Variants in FOXP2 observed in about 807,000 individuals in gnomAD.
FOXP2 encodes the protein forkhead box P2.
A neutral mutation model predicts 115.8 loss-of-function variants in FOXP2; 12 were observed. The ratio of observed to expected loss-of-function variants is 0.10; its 90% CI spans 0.07 to 0.17. FOXP2 has a LOEUF of 0.17. Ranked by LOEUF, FOXP2 falls within the 10% of genes least tolerant of loss-of-function variation. The pLI is 1.00. For missense variants in FOXP2, 629 were observed against 843.5 expected (o/e 0.75, Z 3.15); for synonymous variants, 328 against 297.7 (o/e 1.10, Z -1.05).
intron 1 of FOXP2, among the ~76,000 whole-genome samples, chr7:114,112,690 A>T (rs1204683675): frequency 1.3e-5 from 2 of 152,128 alleles, no homozygotes; most frequent in African/African-American, 2.4e-5. Flanking sequence ...CAGGAGCAGG[A>T]GAATAGGGAG....
intron 2 of FOXP2, among the ~76,000 whole-genome samples, chr7:114,322,318 C>G (rs190154157): frequency 7.9e-5 from 12 of 151,718 alleles, no homozygotes; most frequent in Admixed American, 2.0e-4. Context: ...CCACCATACC[C>G]TGACAGATAA....
At chr7:114,195,055 C>T (rs1164027543) in intron 1 of FOXP2, among the ~76,000 whole-genome samples, 1 of 152,060 alleles carries the variant, frequency 6.6e-6, no homozygotes, top group African/African-American at 2.4e-5. Flanking sequence ...CTCAGTTAAA[C>T]TGGGCTGATT....
intron 16 of FOXP2, chr7:114,669,718 C>T (rs1316375681): frequency 6.6e-6 from 1 of 152,040 alleles, no homozygotes; most frequent in Non-Finnish European, 1.5e-5. Flanking sequence ...AACATGTAGA[C>T]TAGACTTGGA....
chr7:114,224,202 A>C (rs1172078823), intron 1 of FOXP2, among the ~76,000 whole-genome samples: 1 of 152,102 alleles, frequency 6.6e-6, no homozygotes, highest in Non-Finnish European at 1.5e-5. Context: ...TAATTACTGA[A>C]GATTTCATAA....
intron 3 of FOXP2, chr7:114,571,014 T>A: frequency 1.2e-6 from 1 of 810,274 alleles, no homozygotes. Flanking sequence ...ATACAAATAA[T>A]GTTAAGATAC....
intron 1 of FOXP2, among the ~76,000 whole-genome samples, chr7:114,204,371 T>C (rs1563004277): frequency 6.6e-6 from 1 of 152,206 alleles, no homozygotes; most frequent in Non-Finnish European, 1.5e-5. Flanking sequence ...ACATTTCCAG[T>C]GCTTAAAAGC....
chr7:114,229,016 G>C (rs55855985), intron 1 of FOXP2, among the ~76,000 whole-genome samples: 9,743 of 151,386 alleles, frequency 0.064, 512 homozygotes, highest in Non-Finnish European at 0.095. Flanking sequence ...CACTTTAGAC[G>C]TAAGGACACA....
In FOXP2 at chr7:114,499,168, A is replaced by G; in HGVS notation, c.169-35449A>G. 2 of 469,878 alleles carry G rather than the reference A, an allele frequency of 4.3e-6. 1 individual carries two copies. Among genetic ancestry groups the G allele is most frequent in the Middle Eastern group, 1.1e-3 (2 of 1,800 alleles). The allele number at this position is 469,878 out of a possible 1,614,324, so 29.1% of individuals were successfully genotyped here. A position where few individuals can be genotyped will look rare whatever the true frequency, so the allele number is the denominator to read the frequency against. ...GAACTACTGCAACTTATGAGGAATC[A>G]TGAGATCCAGCTCACTTTTGCTCAA... On this transcript the variant is annotated intron_variant, in intron 2 of 16. Coordinates refer to ENST00000350908, the MANE Select transcript of FOXP2 (RefSeq NM_014491.4).
At chr7:114,361,978 A>G (rs1791756165) in intron 2 of FOXP2, among the ~76,000 whole-genome samples, 1 of 152,074 alleles carries the variant, frequency 6.6e-6, no homozygotes, top group South Asian at 2.1e-4. Flanking sequence ...GAATGAGCCC[A>G]GAGTCAAAAA....
chr7:114,273,373 T>C (rs1584598606), intron 1 of FOXP2, among the ~76,000 whole-genome samples: 1 of 152,072 alleles, frequency 6.6e-6, no homozygotes, highest in Admixed American at 6.5e-5. Flanking sequence ...TAGTCTATCT[T>C]GGTGAGTGTT....
rs556900729 is a variant in FOXP2, at chr7:114,422,119, T to A, written c.-10-4383T>A. Reference sequence around the variant, plus strand: ...GTATTTAAGAATATATGTTTTAAATTTGATGCCTTACTTTTCTTAAAATGT... The same window carrying A: ...GTATTTAAGAATATATGTTTTAAATATGATGCCTTACTTTTCTTAAAATGT... On this transcript the variant is annotated intron_variant, in intron 1 of 16. Transcript: ENST00000350908. Among the ~76,000 whole-genome samples the A allele has an allele frequency of 2.6e-5, 4 of 151,832 alleles. No individual in the cohort carries two copies. The East Asian group carries it at 7.8e-4, about 29-fold the overall frequency.
At position 114,691,103 on chromosome 7, in the gene FOXP2, C is replaced by T. The variant is rs768521941; in HGVS notation, c.*1177C>T. The T allele has an allele frequency of 8.8e-6, 4 of 454,026 alleles. No individual in the cohort carries two copies. Among genetic ancestry groups the T allele is most frequent in the South Asian group, 4.7e-5 (3 of 64,476 alleles). 28.1% of individuals were successfully genotyped at this position (454,026 alleles called of 1,614,324 possible). A position where few individuals can be genotyped will look rare whatever the true frequency, so the allele number is the denominator to read the frequency against. ...GATCACTGACCAAAACGATTATGTA[C>T]TTGATGCAAATGCAGATTGCATATT... is the stretch of plus-strand genomic sequence containing the variant. On this transcript the variant is annotated 3_prime_UTR_variant, in exon 17 of 17. Coordinates refer to ENST00000350908, the MANE Select transcript of FOXP2 (RefSeq NM_014491.4).
At chr7:114,556,526 GA>G (rs1215740274) in intron 3 of FOXP2, among the ~76,000 whole-genome samples, 3 of 152,072 alleles carry the variant, frequency 2.0e-5, no homozygotes, top group African/African-American at 7.2e-5. Context: ...TGTGAATTTG[GA>G]AAAAAATTAT....
intron 2 of FOXP2, among the ~76,000 whole-genome samples, chr7:114,377,402 T>G (rs1792167563): frequency 1.3e-5 from 2 of 152,142 alleles, no homozygotes; most frequent in Admixed American, 1.3e-4. Context: ...GTGAAGTCAT[T>G]CTGGGGAGGT....
At chr7:114,471,623 T>C (rs990294882) in intron 2 of FOXP2, among the ~76,000 whole-genome samples, 2 of 152,128 alleles carry the variant, frequency 1.3e-5, no homozygotes, top group African/African-American at 4.8e-5. Context: ...TATATTGTGG[T>C]TCTTAAAAAC....
chr7:114,165,913 C>T (rs1027744035), intron 1 of FOXP2, among the ~76,000 whole-genome samples: 1 of 152,288 alleles, frequency 6.6e-6, no homozygotes, highest in South Asian at 2.1e-4. Context: ...GTTGAAAGAA[C>T]ATAGATCATT....
At position 114,426,439 on chromosome 7, in the gene FOXP2, A is replaced by C. The variant is rs1366016057; in HGVS notation, c.-10-63A>C. ...GTCTCTGTAATTGGCAGAGAGGGAC[A>C]TCTTGATAATGGAAGTGTGAAGGTG... On this transcript the variant is annotated intron_variant, in intron 1 of 16. Transcript: ENST00000350908. The C allele has an allele frequency of 4.0e-6, 6 of 1,496,716 alleles. No homozygotes were observed. In the Middle Eastern group the frequency reaches 5.2e-4, roughly 129 times the overall value. 92.7% of individuals were successfully genotyped at this position (1,496,716 alleles called of 1,614,324 possible).
intron 3 of FOXP2, among the ~76,000 whole-genome samples, chr7:114,557,844 C>G (rs1800542217): frequency 6.6e-6 from 1 of 151,352 alleles, no homozygotes; most frequent in Non-Finnish European, 1.5e-5. Flanking sequence ...GAGTCCTGCT[C>G]TGTCGCCCAG....
chr7:114,274,752 A>G (rs2129173779), intron 1 of FOXP2, among the ~76,000 whole-genome samples: 1 of 151,234 alleles, frequency 6.6e-6, no homozygotes, highest in East Asian at 1.9e-4. Context: ...GGTAGCTGGG[A>G]CTGCAGGCAT....
Sources: allele counts gnomAD v4.1 joint callset (sites outside exome capture counted in the v4.1 genomes callset), GRCh38; gene constraint gnomAD v4.1.1; transcripts MANE v1.5; gene names NCBI Gene and HGNC (gene_info 2026-07-23, HGNC 2026-07-21).